The following FAM53B variants were observed in gnomAD, a reference collection of about 807,000 sequenced individuals.
FAM53B encodes protein FAM53B.
In FAM53B, 12 loss-of-function variants were observed where a neutral mutation model predicts 32.7. The ratio of observed to expected loss-of-function variants is 0.37; its 90% confidence interval spans 0.24 to 0.59. The LOEUF is 0.59. FAM53B is among the 20% of genes least tolerant of loss of function. The probability of loss-of-function intolerance (pLI) is 0.72; values close to 1 mark genes in which losing one functional copy is unlikely to be tolerated. For synonymous variants in FAM53B, 234 were observed against 228.7 expected, an observed-to-expected ratio of 1.02 and a Z score of -0.21; for missense variants, 477 against 577.7, an observed-to-expected ratio of 0.83 and a Z score of 1.79.
intron 3 of FAM53B, 85 bp downstream of exon 3, chr10:124,696,073 G>A (rs994258493): frequency 1.1e-5 from 12 of 1,074,708 alleles, no homozygotes; most frequent in South Asian, 1.0e-4. Flanking sequence ...TGTCCAGAAA[G>A]TGCTTTGAGT....
intron 2 of FAM53B, among the ~76,000 whole-genome samples, chr10:124,703,401 T>C (rs1949929024): frequency 6.6e-6 from 1 of 152,236 alleles, no homozygotes; most frequent in African/African-American, 2.4e-5. Context: ...AAATCTCTTT[T>C]CTTTATAAAT....
intron 1 of FAM53B, among the ~76,000 whole-genome samples, chr10:124,741,111 T>C (rs537067471): frequency 6.6e-6 from 1 of 152,270 alleles, no homozygotes; most frequent in African/African-American, 2.4e-5. Flanking sequence ...CTGGATCAAT[T>C]AAAGAGAGTC....
chr10:124,717,689 T>C (rs1275128657), intron 1 of FAM53B, among the ~76,000 whole-genome samples: 2 of 152,162 alleles, frequency 1.3e-5, no homozygotes, highest in African/African-American at 4.8e-5. Context: ...TGGGGATGTA[T>C]GCGTGATTGC....
intron 4 of FAM53B, among the ~76,000 whole-genome samples, chr10:124,678,094 G>C (rs1169387058): frequency 6.6e-6 from 1 of 152,188 alleles, no homozygotes; most frequent in Non-Finnish European, 1.5e-5. Flanking sequence ...GAAACACAGG[G>C]AAAACACTGG....
At chr10:124,632,049 G>A (rs1190352454) in intron 4 of FAM53B, among the ~76,000 whole-genome samples, 1 of 152,226 alleles carries the variant, frequency 6.6e-6, no homozygotes, top group Non-Finnish European at 1.5e-5. Context: ...CTGGGGTCCT[G>A]AGGCCTACAC....
At chr10:124,711,801 C>T (rs141431069) in intron 1 of FAM53B, among the ~76,000 whole-genome samples, 50 of 152,116 alleles carry the variant, frequency 3.3e-4, no homozygotes, top group African/African-American at 1.0e-3. Flanking sequence ...ACCAGTGATC[C>T]CAGCATTTGA....
chr10:124,737,052 C>T (rs935142892), intron 1 of FAM53B, among the ~76,000 whole-genome samples: 2 of 152,212 alleles, frequency 1.3e-5, no homozygotes, highest in African/African-American at 4.8e-5. Context: ...ATGTCTTCAG[C>T]AATGAAATCG....
At chr10:124,633,291 C>T (rs1202617631) in intron 4 of FAM53B, among the ~76,000 whole-genome samples, 1 of 144,132 alleles carries the variant, frequency 6.9e-6, no homozygotes, top group Admixed American at 6.8e-5. Flanking sequence ...CAAGACTGAA[C>T]AAATAGAAAT....
At chr10:124,692,641 G>A (rs1425387427) in intron 3 of FAM53B, among the ~76,000 whole-genome samples, 1 of 145,448 alleles carries the variant, frequency 6.9e-6, no homozygotes, top group African/African-American at 2.5e-5. Context: ...CTTGAACCCA[G>A]GAGGCGGAGG....
chr10:124,710,852 T>A (rs1006443809), intron 1 of FAM53B, among the ~76,000 whole-genome samples: 2 of 152,212 alleles, frequency 1.3e-5, no homozygotes, highest in Admixed American at 1.3e-4. Flanking sequence ...AAGCTGGGAT[T>A]TGAACCCTGG....
intron 1 of FAM53B, chr10:124,713,451 T>C (rs559554625): frequency 6.6e-6 from 1 of 152,368 alleles, no homozygotes; most frequent in East Asian, 1.9e-4. Flanking sequence ...TGTGTCTTCA[T>C]TTGTTTGCAA....
chr10:124,627,416 C>A (rs368568366), intron 4 of FAM53B, among the ~76,000 whole-genome samples: 5 of 152,244 alleles, frequency 3.3e-5, no homozygotes, highest in Non-Finnish European at 7.3e-5. Flanking sequence ...TGCAAAAAGC[C>A]GCAAAATGGC....
intron 4 of FAM53B, among the ~76,000 whole-genome samples, chr10:124,643,414 G>A (rs542117114): frequency 1.2e-4 from 19 of 152,242 alleles, no homozygotes; most frequent in Admixed American, 5.2e-4. Context: ...TTCTCGGCGC[G>A]GTGATTGCGC....
chr10:124,712,055 T>C (rs574209203), intron 1 of FAM53B, among the ~76,000 whole-genome samples: 85 of 152,138 alleles, frequency 5.6e-4, no homozygotes, highest in Middle Eastern at 3.4e-3. Context: ...GGAGACCTTA[T>C]ATCAAAAGAA....
intron 1 of FAM53B, among the ~76,000 whole-genome samples, chr10:124,721,677 C>T (rs1260707562): frequency 6.6e-6 from 1 of 152,230 alleles, no homozygotes; most frequent in African/African-American, 2.4e-5. Context: ...TTGCCTTTCA[C>T]AAGGGGGAAC....
At chr10:124,628,208 G>A (rs1563272) in intron 4 of FAM53B, among the ~76,000 whole-genome samples, 15,909 of 152,212 alleles carry the variant, frequency 0.1, 925 homozygotes, top group Admixed American at 0.15. Flanking sequence ...AAGGCCTGGG[G>A]AGTGGAGGGG....
At chr10:124,664,815 C>A (rs1949658499) in intron 4 of FAM53B, among the ~76,000 whole-genome samples, 1 of 152,238 alleles carries the variant, frequency 6.6e-6, no homozygotes, top group Non-Finnish European at 1.5e-5. Context: ...GGTTAAGTAG[C>A]TGCCCAGGGC....
chr10:124,676,929 C>T lies in FAM53B; in HGVS notation c.906+4678G>A, dbSNP rs1011987381. ...GTTCTGAGGCCTGCTCAGGGAGGTTCGGGGACTCAGTGTGTGGGCAGCCGC... is the reference window on the plus strand; with the variant it reads ...GTTCTGAGGCCTGCTCAGGGAGGTTTGGGGACTCAGTGTGTGGGCAGCCGC... On this transcript the variant is annotated intron_variant, in intron 4 of 4. Coordinates refer to ENST00000337318, the MANE Select transcript of FAM53B (RefSeq NM_014661.4). Among the ~76,000 whole-genome samples the T allele has an allele frequency of 2.0e-5, 3 of 152,290 alleles. No homozygotes were observed. In the East Asian group the frequency reaches 5.8e-4, roughly 29 times the overall value.
chr10:124,699,100 C>T (rs1949895634), intron 2 of FAM53B, among the ~76,000 whole-genome samples: 1 of 152,254 alleles, frequency 6.6e-6, no homozygotes, highest in African/African-American at 2.4e-5. Flanking sequence ...CGGTGCCTCC[C>T]ACCTGCTTTT....
Sources: gnomAD v4.1 joint callset for allele counts (sites outside exome capture counted in the v4.1 genomes callset) on GRCh38, gnomAD v4.1.1 for gene constraint, MANE v1.5 for transcripts, NCBI Gene and HGNC (gene_info 2026-07-23, HGNC 2026-07-21) for gene names.